HDAC9: variants seen among roughly 807,000 people sequenced by gnomAD.
The protein encoded by HDAC9 is histone deacetylase 9.
A neutral mutation model predicts 139.4 loss-of-function variants in HDAC9; 41 were observed. That is an observed-to-expected ratio of 0.29 (90% CI 0.23 to 0.38). HDAC9 has a LOEUF of 0.38. Ranked by LOEUF, HDAC9 falls within the 10% of genes least tolerant of loss-of-function variation. The pLI is 1.00. For missense variants in HDAC9, 1,147 were observed against 1,297.0 expected, an observed-to-expected ratio of 0.88 and a Z score of 1.78; for synonymous variants, 517 against 476.2, an observed-to-expected ratio of 1.09 and a Z score of -1.12.
At chr7:18,199,396 T>G (rs1790945461) in intron 2 of HDAC9, among the ~76,000 whole-genome samples, 2 of 152,214 alleles carry the variant, frequency 1.3e-5, no homozygotes, top group Admixed American at 1.3e-4. Flanking sequence ...TTCATGTTGA[T>G]CAGCTGACCT....
At chr7:18,804,970 A>G (rs1319384539) in intron 17 of HDAC9, among the ~76,000 whole-genome samples, 1 of 151,912 alleles carries the variant, frequency 6.6e-6, no homozygotes, top group Non-Finnish European at 1.5e-5. Context: ...AATTTTTTGT[A>G]TTCTTTGAAG....
intron 2 of HDAC9, among the ~76,000 whole-genome samples, chr7:18,204,292 A>G (rs533013854): frequency 2.0e-5 from 3 of 146,796 alleles, no homozygotes; most frequent in Non-Finnish European, 4.5e-5. Context: ...AAGTTTTGCT[A>G]TTACAAATTA....
At chr7:18,633,552 T>C (rs552735045) in intron 7 of HDAC9, among the ~76,000 whole-genome samples, 21 of 151,962 alleles carry the variant, frequency 1.4e-4, no homozygotes, top group African/African-American at 3.9e-4. Context: ...ATATTTGAAA[T>C]GGGAAAAGAG....
chr7:18,173,499 T>C (rs1195180860), intron 2 of HDAC9, among the ~76,000 whole-genome samples: 2 of 152,202 alleles, frequency 1.3e-5, no homozygotes, highest in Non-Finnish European at 2.9e-5. Flanking sequence ...GTCATTATGA[T>C]GTTAGCTGGT....
intron 17 of HDAC9, among the ~76,000 whole-genome samples, chr7:18,808,460 A>C (rs1446887051): frequency 6.6e-6 from 1 of 152,176 alleles, no homozygotes; most frequent in East Asian, 1.9e-4. Context: ...AGAACTAATA[A>C]ATTTGGGAAA....
intron 19 of HDAC9, among the ~76,000 whole-genome samples, chr7:18,832,570 T>G (rs966366877): frequency 7.2e-5 from 11 of 152,178 alleles, no homozygotes; most frequent in Non-Finnish European, 2.9e-5. Context: ...AATGTTTCAT[T>G]TTATTTCATT....
rs111697103 is a variant in HDAC9, at chr7:18,953,364, C to G, written c.2938-782C>G. On this transcript the variant is annotated intron_variant, in intron 23 of 25. Coordinates refer to ENST00000686413, the MANE Select transcript of HDAC9 (RefSeq NM_178425.4). ...TTCTGCTGCAACATGCCAAACTAAT[C>G]ACCACAGCATTCTGAGGGATGTGTT... Among the ~76,000 whole-genome samples the G allele has an allele frequency of 2.1e-3, 327 of 152,258 alleles. 1 individual carries two copies. Among genetic ancestry groups the G allele is most frequent in the African/African-American group, 7.3e-3 (303 of 41,572 alleles).
At chr7:18,522,910 C>T (rs964611041) in intron 2 of HDAC9, among the ~76,000 whole-genome samples, 4 of 152,194 alleles carry the variant, frequency 2.6e-5, no homozygotes, top group Admixed American at 2.0e-4. Flanking sequence ...TTATGGATGT[C>T]CACTGTATTT....
chr7:18,735,376 A>G (rs1786788953), intron 13 of HDAC9, among the ~76,000 whole-genome samples: 1 of 152,200 alleles, frequency 6.6e-6, no homozygotes, highest in South Asian at 2.1e-4. Context: ...TAGGTCTAAC[A>G]TTTAAGTCTT....
At chr7:18,445,934 G>A (rs1348925969) in intron 1 of HDAC9, among the ~76,000 whole-genome samples, 3 of 152,190 alleles carry the variant, frequency 2.0e-5, no homozygotes, top group South Asian at 2.1e-4. Context: ...ACATATCTTA[G>A]GATTGTGCGT....
intron 2 of HDAC9, among the ~76,000 whole-genome samples, chr7:18,284,118 T>C (rs1279468361): frequency 4.6e-5 from 7 of 152,186 alleles, no homozygotes; most frequent in African/African-American, 7.2e-5. Flanking sequence ...ATTGTTCCCA[T>C]TGGCTTTTTT....
intron 2 of HDAC9, among the ~76,000 whole-genome samples, chr7:18,532,845 T>A (rs1377227061): frequency 6.6e-6 from 1 of 152,054 alleles, no homozygotes; most frequent in East Asian, 1.9e-4. Context: ...CTTTAATATT[T>A]CTAAATAACA....
At chr7:18,837,596 T>C (rs759046354) in intron 21 of HDAC9, among the ~76,000 whole-genome samples, 18 of 152,238 alleles carry the variant, frequency 1.2e-4, no homozygotes, top group Non-Finnish European at 2.1e-4. Flanking sequence ...TTATCTTTGA[T>C]GCAGAATTCA....
At chr7:18,920,541 G>A (rs1803607038) in intron 22 of HDAC9, among the ~76,000 whole-genome samples, 1 of 152,152 alleles carries the variant, frequency 6.6e-6, no homozygotes, top group Non-Finnish European at 1.5e-5. Flanking sequence ...TTGAGTAGGA[G>A]TGGTGAGAGA....
chr7:18,418,313 C>G (rs1392660225), intron 1 of HDAC9, among the ~76,000 whole-genome samples: 2 of 149,414 alleles, frequency 1.3e-5, no homozygotes, highest in African/African-American at 2.5e-5. Context: ...GAGTAAAACT[C>G]AAGAGAATAA....
At chr7:18,314,121 T>C (rs1053843505) in intron 1 of HDAC9, among the ~76,000 whole-genome samples, 1 of 152,180 alleles carries the variant, frequency 6.6e-6, no homozygotes, top group African/African-American at 2.4e-5. Flanking sequence ...TGCCAAAGTA[T>C]GTTGGACAGT....
chr7:18,817,061 G>A (rs1353208617), intron 17 of HDAC9, among the ~76,000 whole-genome samples: 1 of 148,222 alleles, frequency 6.7e-6, no homozygotes, highest in Non-Finnish European at 1.5e-5. Context: ...TTGAAATGGA[G>A]TCTCGCGCTG....
chr7:18,469,353 A>G (rs1586124849), intron 1 of HDAC9, among the ~76,000 whole-genome samples: 2 of 152,348 alleles, frequency 1.3e-5, no homozygotes, highest in Middle Eastern at 3.4e-3. Flanking sequence ...ACCATCAATT[A>G]TAGATCTCAT....
chr7:18,092,366 G>T (rs1324772282), intron 1 of HDAC9, among the ~76,000 whole-genome samples: 1 of 151,784 alleles, frequency 6.6e-6, no homozygotes, highest in Non-Finnish European at 1.5e-5. Flanking sequence ...CTCCAGCCTG[G>T]GCAACACAGT....
Sources: allele counts gnomAD v4.1 joint callset (sites outside exome capture counted in the v4.1 genomes callset), GRCh38; gene constraint gnomAD v4.1.1; transcripts MANE v1.5; gene names NCBI Gene and HGNC (gene_info 2026-07-23, HGNC 2026-07-21).